Variants in M6PR observed in about 807,000 individuals in gnomAD.
The protein encoded by M6PR is mannose-6-phosphate receptor, cation dependent, also known as cation-dependent mannose-6-phosphate receptor.
In M6PR, 19 loss-of-function variants were observed where a neutral mutation model predicts 33.1. That is an observed-to-expected ratio of 0.57 (90% CI 0.40 to 0.84). M6PR has a LOEUF of 0.84. Among genes scored for constraint, M6PR ranks in the 40% least tolerant of loss-of-function variants. M6PR has a pLI of 0.00. For synonymous variants in M6PR, 111 were observed against 123.4 expected (o/e 0.90, Z 0.67); for missense variants, 295 against 336.0 (o/e 0.88, Z 0.95).
Position 8,941,892 on chromosome 12 carries a change from C to T in M6PR, c.760G>A (p.Ala254Thr). The change falls in exon 7 of 7, where the codon GCA becomes ACA. Residue 254 changes from alanine to threonine, a missense_variant. By Grantham distance (58) the Ala-to-Thr change is moderately conservative. Transcript: ENST00000000412. ...TGGTCATCCCCCACACCACGATATGCTGCAGGCACATTTCGAGGTTTAGAA... is the reference window on the plus strand; with the variant it reads ...TGGTCATCCCCCACACCACGATATGTTGCAGGCACATTTCGAGGTTTAGAA... ...CRSKPRNVPA[A>T]YRGVGDDQLG... The T allele has an allele frequency of 6.2e-7, 1 of 1,614,142 alleles. No homozygotes were observed. The highest frequency in any genetic ancestry group is 8.5e-7 in the Non-Finnish European group (1 of 1,180,004).
chr12:8,948,380 A>G (rs1334353400), intron 1 of M6PR, among the ~76,000 whole-genome samples: 1 of 152,236 alleles, frequency 6.6e-6, no homozygotes, highest in Non-Finnish European at 1.5e-5. Context: ...CTGATGCTTT[A>G]CAGAATTACT....
chr12:8,947,778 A>G (rs960564032), intron 1 of M6PR, among the ~76,000 whole-genome samples: 5 of 151,862 alleles, frequency 3.3e-5, no homozygotes, highest in Admixed American at 2.0e-4. Flanking sequence ...CTACATGTAT[A>G]TTTCCACTAT....
chr12:8,947,695 A>G (rs112074782), intron 1 of M6PR, among the ~76,000 whole-genome samples: 75 of 152,358 alleles, frequency 4.9e-4, no homozygotes, highest in African/African-American at 1.7e-3. Context: ...TTTTACCAGT[A>G]AGAAAACTGA....
At chr12:8,943,262 A>G in intron 5 of M6PR, 143 bp downstream of exon 5, 1 of 1,036,410 alleles carries the variant, frequency 9.6e-7, no homozygotes, top group Non-Finnish European at 1.4e-6. Flanking sequence ...GAATTATTTT[A>G]TAGCCAGAGG....
At chr12:8,942,022 G>A in intron 6 of M6PR, 82 bp from the exon 7 acceptor site, 1 of 1,506,536 alleles carries the variant, frequency 6.6e-7, no homozygotes, top group Non-Finnish European at 9.1e-7. Context: ...GTCTAGGAAT[G>A]TGGCAAGAAT....
intron 2 of M6PR, among the ~76,000 whole-genome samples, chr12:8,946,000 ATGTAGG>A (rs1389049558): frequency 6.6e-6 from 1 of 152,170 alleles, no homozygotes; most frequent in Non-Finnish European, 1.5e-5. Context: ...GTCCTATTAT[ATGTAGG>A]TGTCAAATAA....
At position 8,942,481 on chromosome 12, in the gene M6PR, C is replaced by A. The variant is rs764788256; in HGVS notation, c.646G>T (p.Gly216Ter). ...GGFLYQRLVVGAKGMEQFPHL... is the reference protein window; with the variant it reads ...GGFLYQRLVV ...GGAAACTGCTCCATTCCTTTGGCTC[C>A]CACTACCAGTCGCTGGTATAGGAAC... The change falls in exon 6 of 7, where the codon GGA (glycine) becomes TGA (stop). Residue 216 changes from glycine (G) to a stop codon, truncating the protein, a stop_gained. Transcript: ENST00000000412. LOFTEE classifies it high-confidence loss of function. The A allele has an allele frequency of 6.2e-7, 1 of 1,614,180 alleles. No homozygotes were observed. The highest frequency in any genetic ancestry group is 8.5e-7 in the Non-Finnish European group (1 of 1,180,026).
In M6PR at chr12:8,940,465, TAAC is replaced by T. The variant is rs1945978876; in HGVS notation, c.*1350_*1352del. On this transcript the variant is annotated 3_prime_UTR_variant, in exon 7 of 7. Transcript: ENST00000000412. ...GGTGTGGGGGAGGGATGCAAACAAA[TAAC>T]AAAAAAGATGCTTTTGTAACATTAT... 2 of 160,802 alleles carry T rather than the reference TAAC, an allele frequency of 1.2e-5. No homozygotes were observed. The highest frequency in any genetic ancestry group is 4.9e-5 in the African/African-American group (2 of 40,634). The allele number at this position is 160,802 out of a possible 1,614,324, so 10.0% of individuals were successfully genotyped here. A position where few individuals can be genotyped will look rare whatever the true frequency, so the allele number is the denominator to read the frequency against.
At chr12:8,943,326 C>A in intron 5 of M6PR, 79 bp downstream of exon 5, 2 of 1,521,372 alleles carry the variant, frequency 1.3e-6, no homozygotes, top group Non-Finnish European at 1.8e-6. Context: ...ACAATTTGTG[C>A]TTATGTACCA....
intron 2 of M6PR, 95 bp from the exon 3 acceptor site, chr12:8,945,679 A>C: frequency 3.2e-6 from 3 of 945,796 alleles, no homozygotes; most frequent in Non-Finnish European, 3.2e-6. Context: ...CAAAACAAAC[A>C]ACATGCTCGA....
chr12:8,945,360 A>C (rs1317765286), intron 3 of M6PR, 58 bp downstream of exon 3: 1 of 1,580,070 alleles, frequency 6.3e-7, no homozygotes, highest in African/African-American at 1.3e-5. Flanking sequence ...CAGGATTGTC[A>C]GAGGGATTGA....
At chr12:8,944,130 A>C (rs1215777864) in intron 3 of M6PR, among the ~76,000 whole-genome samples, 1 of 152,252 alleles carries the variant, frequency 6.6e-6, no homozygotes, top group East Asian at 1.9e-4. Context: ...ATTTAAGAAT[A>C]ATCTTAATTT....
chr12:8,945,608 G>A (rs751047504), intron 2 of M6PR, 24 bp from the exon 3 acceptor site: 1 of 1,606,862 alleles, frequency 6.2e-7, no homozygotes, highest in Non-Finnish European at 8.5e-7. Flanking sequence ...TGGGAAGAAA[G>A]AAGAGGAGAG....
chr12:8,943,196 T>C (rs113260084), intron 5 of M6PR: 9 of 553,868 alleles, frequency 1.6e-5, no homozygotes, highest in African/African-American at 1.1e-4. Flanking sequence ...AGGTGATCCA[T>C]CTGCCTTGGC....
chr12:8,945,532 C>T lies in M6PR; in HGVS notation c.229G>A (p.Val77Met), dbSNP rs769640823. The T allele has an allele frequency of 3.7e-6, 6 of 1,614,012 alleles. No individual in the cohort carries two copies. The highest frequency in any genetic ancestry group is 1.3e-5 in the African/African-American group (1 of 74,910). ...GSDTYIYIFR[V>M]CREAGNHTSG... is the part of the protein sequence containing the mutation. ...GTGTGGTTGCCAGCTTCCCGGCACA[C>T]CCTGAAGATGTAGATGTATGTGTCT... Residue 77 changes from valine to methionine, a missense_variant, in exon 3 of 7, where the codon GTG becomes ATG. By Grantham distance (21) the Val-to-Met change is conservative. Coordinates refer to ENST00000000412, the MANE Select transcript of M6PR (RefSeq NM_002355.4).
intron 2 of M6PR, 29 bp from the exon 3 acceptor site, chr12:8,945,613 GGA>G: frequency 7.5e-6 from 12 of 1,602,828 alleles, no homozygotes; most frequent in Non-Finnish European, 1.0e-5. Context: ...AGAAAGAAGA[GGA>G]GAGTTACTAG....
Position 8,946,222 on chromosome 12 carries a change from C to T in M6PR, c.176+7G>A. The T allele has an allele frequency of 6.2e-7, 1 of 1,611,948 alleles. No homozygotes were observed. The highest frequency in any genetic ancestry group is 8.5e-7 in the Non-Finnish European group (1 of 1,178,624). Reference sequence around the variant, plus strand: ...TTCTCAAGCTCTTTAAGGTTCTTCTCATTTACCTTTTATTAAACAGTGGTT... The same window carrying T: ...TTCTCAAGCTCTTTAAGGTTCTTCTTATTTACCTTTTATTAAACAGTGGTT... On this transcript the variant is annotated splice_region_variant and intron_variant, in intron 2 of 6. Transcript: ENST00000000412.
chr12:8,943,622 C>T, intron 4 of M6PR, 87 bp from the exon 5 acceptor site: 3 of 1,539,222 alleles, frequency 1.9e-6, no homozygotes, highest in African/African-American at 2.7e-5. Context: ...AACATCTGCT[C>T]CTTCCTGGTT....
chr12:8,945,369 G>T, intron 3 of M6PR, 49 bp downstream of exon 3: 1 of 1,597,268 alleles, frequency 6.3e-7, no homozygotes, highest in Non-Finnish European at 8.6e-7. Flanking sequence ...CAGAGGGATT[G>T]ACTTGGGATC....
Sources: allele counts gnomAD v4.1 joint callset (sites outside exome capture counted in the v4.1 genomes callset), GRCh38; gene constraint gnomAD v4.1.1; transcripts MANE v1.5; gene names NCBI Gene and HGNC (gene_info 2026-07-23, HGNC 2026-07-21).